Variants in CLPSL1 observed in about 807,000 individuals in gnomAD.
CLPSL1 encodes colipase-like protein 1.
CLPSL1 carries 13 observed loss-of-function variants against 9.3 expected under a neutral mutation model. The observed-to-expected ratio is 1.40, with a 90% CI of 0.91 to 2.22. The LOEUF is 2.22. Ranked by LOEUF, CLPSL1 falls within the 30% of genes most tolerant of loss-of-function variation. The pLI is 0.00. For missense variants in CLPSL1, 164 were observed against 146.6 expected, an observed-to-expected ratio of 1.12 and a Z score of -0.61; for synonymous variants, 58 against 56.9, an observed-to-expected ratio of 1.02 and a Z score of -0.08.
chr6:35,790,692 G>T (rs1324871194), downstream of CLPSL1, among the ~76,000 whole-genome samples: 1 of 152,256 alleles, frequency 6.6e-6, no homozygotes, highest in Admixed American at 6.5e-5. Context: ...TGACTGTTTA[G>T]GTGTGGTGCC....
At chr6:35,782,599 G>A (rs59902843) in intron 1 of CLPSL1, among the ~76,000 whole-genome samples, 250 of 152,392 alleles carry the variant, frequency 1.6e-3, no homozygotes, top group African/African-American at 5.7e-3. Context: ...GCCGGGCAAA[G>A]AGTGCAGGAC....
chr6:35,787,916 G>A lies in CLPSL1; in HGVS notation c.272G>A (p.Cys91Tyr), dbSNP rs1768116492. 1 of 1,609,664 alleles carries A rather than the reference G, an allele frequency of 6.2e-7. No homozygotes were observed. Among genetic ancestry groups the A allele is most frequent in the Non-Finnish European group, 8.5e-7 (1 of 1,176,066 alleles). ...RACPCLRNLT[C>Y]IYSKNEKWLS... ...TGTCCCTGCCTGCGGAACCTGACTT[G>A]TATATATTCAAAGAATGAGAAATGG... The change falls in exon 3 of 3, where the codon TGT becomes TAT. Residue 91 changes from cysteine (C) to tyrosine (Y), a missense_variant. Cys to Tyr is a radical substitution (Grantham distance 194). Coordinates refer to ENST00000373861, the MANE Select transcript of CLPSL1 (RefSeq NM_001010886.5).
chr6:35,781,451 G>A (rs533048954), intron 1 of CLPSL1, among the ~76,000 whole-genome samples: 5 of 152,150 alleles, frequency 3.3e-5, no homozygotes, highest in East Asian at 1.9e-4. Context: ...CTGCCCATGC[G>A]CACATGTGGT....
Position 35,782,358 on chromosome 6 carries a change from A to G in CLPSL1, c.99+1149A>G, listed in dbSNP as rs368524003. ...AACAGTTATGCATTCAGCACCTGCA[A>G]TGTGTAAGGACTTTAGTCCAAGGGG... is the stretch of plus-strand genomic sequence containing the variant. On this transcript the variant is annotated intron_variant, in intron 1 of 2. Coordinates refer to ENST00000373861, the MANE Select transcript of CLPSL1 (RefSeq NM_001010886.5). Among the ~76,000 whole-genome samples the G allele has an allele frequency of 1.1e-3, 169 of 152,336 alleles. 5 individuals are homozygous for G. The South Asian group carries it at 0.03, about 27-fold the overall frequency.
chr6:35,790,898 A>G, downstream of CLPSL1, among the ~76,000 whole-genome samples: 1 of 152,212 alleles, frequency 6.6e-6, no homozygotes, highest in Non-Finnish European at 1.5e-5. Flanking sequence ...CAACAGCAAC[A>G]TAGCCGGTGG....
intron 1 of CLPSL1, among the ~76,000 whole-genome samples, chr6:35,784,484 C>G (rs186253727): frequency 6.6e-6 from 1 of 152,076 alleles, no homozygotes; most frequent in Non-Finnish European, 1.5e-5. Context: ...AGTGCCCTGG[C>G]CAAGGAAGGA....
In CLPSL1 at chr6:35,781,137, G is replaced by C. The variant is rs1481743381; in HGVS notation, c.27G>C (p.Leu9=). The C allele has an allele frequency of 3.1e-6, 5 of 1,613,908 alleles. No individual in the cohort carries two copies. Among genetic ancestry groups the C allele is most frequent in the Non-Finnish European group, 4.2e-6 (5 of 1,179,950 alleles). Residue 9 remains leucine (L), a synonymous_variant, in exon 1 of 3, where the codon CTG becomes CTC. Transcript: ENST00000373861. MMLPQWLL[L]LFLLFFFLFL... ...TGATGCTACCCCAATGGCTGCTGCTGCTGTTCCTTCTCTTCTTCTTTCTCT... is the reference window on the plus strand; with the variant it reads ...TGATGCTACCCCAATGGCTGCTGCTCCTGTTCCTTCTCTTCTTCTTTCTCT...
rs776562006 is a variant in CLPSL1 at position 35,787,153 on chromosome 6, G to A, written c.222+33G>A. 1.9e-6 allele frequency: 3 copies of A among 1,607,330 alleles called. No homozygotes were observed. In the South Asian group the frequency reaches 3.3e-5, roughly 18 times the overall value. On this transcript the variant is annotated intron_variant, in intron 2 of 2. Transcript: ENST00000373861. ...TCGCCGCCCGGGGGGAGCCAGAGGG[G>A]ATCCAGGGGAAGTGGGAGCCAGGGC...
chr6:35,793,022 T>C (rs1321874018), downstream of CLPSL1, among the ~76,000 whole-genome samples: 1 of 152,280 alleles, frequency 6.6e-6, no homozygotes, highest in African/African-American at 2.4e-5. Flanking sequence ...AAGGATCTTA[T>C]TCCCTTTGCT....
intron 2 of CLPSL1, 76 bp from the exon 3 acceptor site, chr6:35,787,791 A>AGCTGG: frequency 2.1e-6 from 3 of 1,421,910 alleles, no homozygotes; most frequent in South Asian, 1.2e-5. Flanking sequence ...TGGGCCCTGG[A>AGCTGG]GCTGGGCTGG....
At chr6:35,784,826 C>T (rs948083559) in intron 1 of CLPSL1, among the ~76,000 whole-genome samples, 25 of 152,268 alleles carry the variant, frequency 1.6e-4, no homozygotes, top group African/African-American at 5.8e-4. Flanking sequence ...AAGAATTCAA[C>T]TGAGGGGCAT....
intron 1 of CLPSL1, among the ~76,000 whole-genome samples, chr6:35,785,943 T>C (rs376327782): frequency 0.018 from 1,484 of 82,408 alleles, 20 homozygotes; most frequent in South Asian, 0.062. Flanking sequence ...AGTGAGACTT[T>C]GTCAAAAAAA....
intron 1 of CLPSL1, among the ~76,000 whole-genome samples, chr6:35,781,771 A>G (rs1767972403): frequency 6.9e-6 from 1 of 144,800 alleles, no homozygotes; most frequent in African/African-American, 2.6e-5. Flanking sequence ...TTTGGGACAG[A>G]GTCTTGCTTT....
At chr6:35,785,429 G>A (rs568311325) in intron 1 of CLPSL1, among the ~76,000 whole-genome samples, 67 of 151,938 alleles carry the variant, frequency 4.4e-4, no homozygotes, top group African/African-American at 1.6e-3. Context: ...TGCCCGCCTC[G>A]GCCTCCCAAA....
chr6:35,784,350 T>C (rs748460172), intron 1 of CLPSL1, among the ~76,000 whole-genome samples: 2 of 152,126 alleles, frequency 1.3e-5, no homozygotes, highest in Non-Finnish European at 2.9e-5. Flanking sequence ...AGAAAATAGA[T>C]TGTACATGTT....
chr6:35,791,539 C>T (rs553250683), downstream of CLPSL1, among the ~76,000 whole-genome samples: 13 of 151,230 alleles, frequency 8.6e-5, no homozygotes, highest in East Asian at 9.9e-4. Flanking sequence ...ACCCGGGAGG[C>T]GGAGGTTGCA....
chr6:35,792,183 A>G (rs950177176), downstream of CLPSL1, among the ~76,000 whole-genome samples: 9 of 152,188 alleles, frequency 5.9e-5, no homozygotes, highest in African/African-American at 2.2e-4. Context: ...CTGAGGTGGG[A>G]GGATCACTTG....
intron 2 of CLPSL1, 133 bp downstream of exon 2, chr6:35,787,253 C>T: frequency 1.8e-6 from 2 of 1,126,842 alleles, no homozygotes; most frequent in Non-Finnish European, 2.5e-6. Flanking sequence ...CCCCGTGGGA[C>T]TGCACCTCCA....
downstream of CLPSL1, among the ~76,000 whole-genome samples, chr6:35,792,251 G>T (rs1292271456): frequency 6.6e-6 from 1 of 152,150 alleles, no homozygotes; most frequent in East Asian, 1.9e-4. Context: ...TCCAGCCTGG[G>T]TCACAGAGTG....
Sources: allele counts gnomAD v4.1 joint callset (sites outside exome capture counted in the v4.1 genomes callset), GRCh38; gene constraint gnomAD v4.1.1; transcripts MANE v1.5; gene names NCBI Gene and HGNC (gene_info 2026-07-23, HGNC 2026-07-21).